The following MASTL variants were observed in gnomAD, a reference collection of about 807,000 sequenced individuals.
The protein encoded by MASTL is serine/threonine-protein kinase greatwall.
MASTL carries 54 observed loss-of-function variants against 82.5 expected under a neutral mutation model. The observed-to-expected ratio is 0.65, with a 90% CI of 0.53 to 0.82. The LOEUF is 0.82. Among genes scored for constraint, MASTL ranks in the 40% least tolerant of loss-of-function variants. The pLI is 0.00. For synonymous variants in MASTL, 323 were observed against 368.9 expected (o/e 0.88, Z 1.43); for missense variants, 950 against 1,047.8 (o/e 0.91, Z 1.29).
chr10:27,158,815 A>G (rs1366876829), intron 2 of MASTL, 129 bp downstream of exon 2: 2 of 935,248 alleles, frequency 2.1e-6, no homozygotes, highest in Non-Finnish European at 3.4e-6. Flanking sequence ...GCCTTGGCAA[A>G]TTTACCTGTT....
intron 11 of MASTL, among the ~76,000 whole-genome samples, 195 bp from the exon 12 acceptor site, chr10:27,186,184 A>G (rs1379559209): frequency 2.0e-5 from 3 of 152,228 alleles, no homozygotes; most frequent in African/African-American, 7.2e-5. Flanking sequence ...TCATATGCCA[A>G]GTGATATTCA....
Position 27,167,100 on chromosome 10 carries a change from A to G in MASTL, c.812-2A>G. 1 of 1,610,974 alleles carries G rather than the reference A, an allele frequency of 6.2e-7. No homozygotes were observed. The highest frequency in any genetic ancestry group is 8.5e-7 in the Non-Finnish European group (1 of 1,177,432). Reference sequence around the variant, plus strand: ...GAATTCAATATTGTCTCTTCTCTATAGGTCTTGAAACAGTTGCCTCCAACC... The same window carrying G: ...GAATTCAATATTGTCTCTTCTCTATGGGTCTTGAAACAGTTGCCTCCAACC... On this transcript the variant is annotated splice_acceptor_variant, in intron 6 of 11. Transcript: ENST00000375940. LOFTEE classifies it high-confidence loss of function.
intron 3 of MASTL, 53 bp from the exon 4 acceptor site, chr10:27,161,041 C>T: frequency 1.8e-6 from 2 of 1,139,986 alleles, no homozygotes; most frequent in Non-Finnish European, 2.7e-6. Flanking sequence ...GAAATTCTAA[C>T]ATTAAAACTA....
intron 5 of MASTL, 32 bp downstream of exon 5, chr10:27,165,202 T>C: frequency 6.8e-7 from 1 of 1,460,218 alleles, no homozygotes; most frequent in African/African-American, 1.4e-5. Context: ...TAACATGACA[T>C]ACCCCTTCAT....
chr10:27,171,329 A>G (rs982397820), intron 8 of MASTL, among the ~76,000 whole-genome samples: 1 of 152,046 alleles, frequency 6.6e-6, no homozygotes, highest in African/African-American at 2.4e-5. Flanking sequence ...AAATACAATC[A>G]CATATTTTCA....
intron 4 of MASTL, among the ~76,000 whole-genome samples, chr10:27,162,808 C>T (rs1346761025): frequency 6.6e-6 from 1 of 152,136 alleles, no homozygotes; most frequent in Non-Finnish European, 1.5e-5. Flanking sequence ...TGCAGATCTA[C>T]AATTCTTCAT....
intron 9 of MASTL, among the ~76,000 whole-genome samples, chr10:27,177,588 T>C (rs761207728): frequency 2.0e-5 from 3 of 152,202 alleles, no homozygotes; most frequent in Non-Finnish European, 4.4e-5. Context: ...TAACTTTATG[T>C]GCACCTTTTT....
chr10:27,166,727 C>G (rs995584405), intron 6 of MASTL, among the ~76,000 whole-genome samples: 1 of 152,162 alleles, frequency 6.6e-6, no homozygotes, highest in Non-Finnish European at 1.5e-5. Flanking sequence ...TACCACTGCA[C>G]TCTAGCCTGG....
At chr10:27,155,641 G>A (rs763197876) in intron 1 of MASTL, 29 bp downstream of exon 1, 106 of 1,612,838 alleles carry the variant, frequency 6.6e-5, no homozygotes, top group Non-Finnish European at 8.1e-5. Flanking sequence ...GCAAGGAAGG[G>A]GTTAGGCCCT....
At chr10:27,165,575 G>T (rs1010260291) in intron 6 of MASTL, 36 bp downstream of exon 6, 1 of 1,603,694 alleles carries the variant, frequency 6.2e-7, no homozygotes, top group Non-Finnish European at 8.5e-7. Context: ...AGGCGCAGAG[G>T]CTTACACCTG....
Position 27,181,054 on chromosome 10 carries a change from A to C in MASTL, c.2368A>C (p.Ile790Leu). Residue 790 changes from isoleucine to leucine, a missense_variant, in exon 10 of 12, where the codon ATT becomes CTT. Ile to Leu is a conservative substitution (Grantham distance 5, BLOSUM62 2). Coordinates refer to ENST00000375940, the MANE Select transcript of MASTL (RefSeq NM_001172303.3). Reference sequence around the variant, plus strand: ...AACACCACAACAAGTATTCCAGAATATTCTGAAAAGAGGTGATTCTTTTTC... The same window carrying C: ...AACACCACAACAAGTATTCCAGAATCTTCTGAAAAGAGGTGATTCTTTTTC... ...DETPQQVFQN[I>L]LKRDIPWPEG... is the part of the protein sequence containing the mutation. 6.3e-7 allele frequency: 1 copy of C among 1,595,880 alleles called. No individual in the cohort carries two copies. The highest frequency in any genetic ancestry group is 8.6e-7 in the Non-Finnish European group (1 of 1,163,522).
At chr10:27,177,076 C>A (rs2058124995) in intron 9 of MASTL, among the ~76,000 whole-genome samples, 1 of 152,032 alleles carries the variant, frequency 6.6e-6, no homozygotes, top group South Asian at 2.1e-4. Flanking sequence ...AACTCCTGAC[C>A]TTGTGATCCA....
chr10:27,166,400 C>CT lies in MASTL; in HGVS notation c.812-702_812-701insT, dbSNP rs2057743774. On this transcript the variant is annotated intron_variant, in intron 6 of 11. Coordinates refer to ENST00000375940, the MANE Select transcript of MASTL (RefSeq NM_001172303.3). ...GTAGTCATATTCTAACCTTATAGCA[C>CT]GTCTGGATATACCACATCAATAATG... Among the ~76,000 whole-genome samples the CT allele has an allele frequency of 1.3e-4, 20 of 152,208 alleles. No homozygotes were observed. In the South Asian group the frequency reaches 3.9e-3, roughly 30 times the overall value.
chr10:27,169,911 T>C, intron 7 of MASTL, 33 bp from the exon 8 acceptor site: 1 of 1,609,442 alleles, frequency 6.2e-7, no homozygotes, highest in East Asian at 2.2e-5. Flanking sequence ...CTCAGCTTTA[T>C]ATAACTAAAA....
Position 27,170,064 on chromosome 10 carries a change from C to T in MASTL, c.1105C>T (p.Leu369Phe), listed in dbSNP as rs2057871802. Residue 369 changes from leucine to phenylalanine, a missense_variant, in exon 8 of 12, where the codon CTT (leucine) becomes TTT (phenylalanine). Transcript: ENST00000375940. The stretch of plus-strand genomic sequence containing the variant: ...CAATAAAAAGGATCTGGAGTTAGCT[C>T]TTTCTCCCATTCATAACAGCAGTGC... ...GFNKKDLELA[L>F]SPIHNSSALP... 6.2e-7 allele frequency: 1 copy of T among 1,614,196 alleles called. No homozygotes were observed. Among genetic ancestry groups the T allele is most frequent in the Non-Finnish European group, 8.5e-7 (1 of 1,180,024 alleles).
In MASTL at chr10:27,161,167, G is replaced by C. The variant is rs774697078; in HGVS notation, c.538G>C (p.Val180Leu). Residue 180 changes from valine to leucine, a missense_variant, in exon 4 of 12, where the codon GTT (valine) becomes CTT (leucine). Val to Leu is a conservative substitution (Grantham distance 32, BLOSUM62 1). Transcript: ENST00000375940. ...IKLTDFGLSKVTLNRDINMMD... is the reference protein window; with the variant it reads ...IKLTDFGLSKLTLNRDINMMD... Reference sequence around the variant, plus strand: ...ACTGACGGATTTTGGCCTTTCAAAAGTTACTTTGAATAGAGGTAAGAAAAA... The same window carrying C: ...ACTGACGGATTTTGGCCTTTCAAAACTTACTTTGAATAGAGGTAAGAAAAA... The C allele has an allele frequency of 6.3e-7, 1 of 1,589,664 alleles. No homozygotes were observed. Among genetic ancestry groups the C allele is most frequent in the Non-Finnish European group, 8.6e-7 (1 of 1,157,926 alleles).
At chr10:27,169,799 CTGT>C (rs1003969304) in intron 7 of MASTL, 142 bp from the exon 8 acceptor site, 8 of 708,960 alleles carry the variant, frequency 1.1e-5, no homozygotes, top group Admixed American at 5.5e-5. Flanking sequence ...TTTTAATTCT[CTGT>C]TGTTTATTTT....
intron 11 of MASTL, among the ~76,000 whole-genome samples, chr10:27,183,368 C>T (rs1040409638): frequency 1.3e-5 from 2 of 151,876 alleles, no homozygotes; most frequent in Non-Finnish European, 2.9e-5. Context: ...ACTGCAACCT[C>T]CGCCTCCCAG....
chr10:27,155,347 G>A, upstream of MASTL: 1 of 1,410,188 alleles, frequency 7.1e-7, no homozygotes, highest in Non-Finnish European at 9.6e-7. Context: ...CGTGGGCGGA[G>A]CCTCACTTTG....
Sources: gnomAD v4.1 joint callset for allele counts (sites outside exome capture counted in the v4.1 genomes callset) on GRCh38, gnomAD v4.1.1 for gene constraint, MANE v1.5 for transcripts, NCBI Gene and HGNC (gene_info 2026-07-23, HGNC 2026-07-21) for gene names.